The following MAF variants were observed in gnomAD, a reference collection of about 807,000 sequenced individuals.
MAF encodes transcription factor Maf.
In MAF, 10 loss-of-function variants were observed where a neutral mutation model predicts 22.0. The observed-to-expected ratio is 0.45, with a 90% CI of 0.28 to 0.77. The LOEUF (loss-of-function observed/expected upper bound fraction) is 0.77. MAF is among the 30% of genes least tolerant of loss of function. The pLI, the probability that MAF is intolerant of heterozygous loss-of-function variation, is 0.12. For missense variants in MAF, 544 were observed against 548.4 expected (o/e 0.99, Z 0.08); for synonymous variants, 337 against 255.8 (o/e 1.32, Z -3.03).
the MAF span, among the ~76,000 whole-genome samples, chr16:79,395,663 C>G: frequency 1.6e-4 from 24 of 152,294 alleles, 1 homozygote; most frequent in South Asian, 4.6e-3. Context: ...AACTGATCCT[C>G]TTTCCTGGAG....
chr16:79,376,994 G>A, the MAF span, among the ~76,000 whole-genome samples: 1 of 152,180 alleles, frequency 6.6e-6, no homozygotes, highest in South Asian at 2.1e-4. Flanking sequence ...ACGTGTGCAT[G>A]TGTCTTTATA....
At chr16:79,339,368 G>C in the MAF span, among the ~76,000 whole-genome samples, 1 of 152,156 alleles carries the variant, frequency 6.6e-6, no homozygotes, top group African/African-American at 2.4e-5. Flanking sequence ...CTGGGTCATG[G>C]GTTTTAAAAA....
chr16:79,490,078 G>A, the MAF span, among the ~76,000 whole-genome samples: 1 of 152,224 alleles, frequency 6.6e-6, no homozygotes, highest in South Asian at 2.1e-4. Context: ...CCTGTGTGTG[G>A]CAAGGTAGAG....
chr16:79,273,489 C>T, the MAF span, among the ~76,000 whole-genome samples: 2 of 152,178 alleles, frequency 1.3e-5, no homozygotes, highest in Non-Finnish European at 2.9e-5. Context: ...GTCAGATGCA[C>T]AAATAGGTCT....
intron 1 of MAF, chr16:79,597,185 A>C: frequency 9.5e-7 from 1 of 1,054,284 alleles, no homozygotes; most frequent in Non-Finnish European, 1.1e-6. Flanking sequence ...AATTTAGTGC[A>C]TCAATCGTTT....
At chr16:79,300,213 G>A in the MAF span, among the ~76,000 whole-genome samples, 1 of 152,172 alleles carries the variant, frequency 6.6e-6, no homozygotes, top group Non-Finnish European at 1.5e-5. Context: ...ATTAAAAATA[G>A]ACAACATTTA....
the MAF span, among the ~76,000 whole-genome samples, chr16:79,247,559 C>T: frequency 6.6e-6 from 1 of 152,164 alleles, no homozygotes; most frequent in Non-Finnish European, 1.5e-5. Flanking sequence ...TTTGCCAAAA[C>T]AGCCCAAAAC....
chr16:79,463,051 T>A, the MAF span, among the ~76,000 whole-genome samples: 1 of 152,150 alleles, frequency 6.6e-6, no homozygotes, highest in African/African-American at 2.4e-5. Context: ...GAATCTCCAC[T>A]GCAATAAGAA....
At chr16:79,320,742 T>C in the MAF span, among the ~76,000 whole-genome samples, 1 of 152,184 alleles carries the variant, frequency 6.6e-6, no homozygotes, top group Admixed American at 6.5e-5. Flanking sequence ...GATATAAAAC[T>C]ATAGTAGTGT....
the MAF span, among the ~76,000 whole-genome samples, chr16:79,301,943 G>A: frequency 4.7e-4 from 71 of 152,342 alleles, no homozygotes; most frequent in Middle Eastern, 3.4e-3. Flanking sequence ...TGAGCACAAC[G>A]TTGAGAGCTG....
the MAF span, among the ~76,000 whole-genome samples, chr16:79,397,439 G>A: frequency 2.6e-5 from 4 of 152,120 alleles, no homozygotes; most frequent in Non-Finnish European, 5.9e-5. Flanking sequence ...TATTTCTACT[G>A]CTCATATTTT....
the MAF span, among the ~76,000 whole-genome samples, chr16:79,234,513 A>G: frequency 6.6e-6 from 1 of 152,124 alleles, no homozygotes; most frequent in African/African-American, 2.4e-5. Context: ...AATAACTTTT[A>G]GTGCACATTT....
At chr16:79,220,460 T>C in the MAF span, among the ~76,000 whole-genome samples, 1 of 152,088 alleles carries the variant, frequency 6.6e-6, no homozygotes, top group African/African-American at 2.4e-5. Flanking sequence ...ATATTCCATA[T>C]ACACCTTGAT....
the MAF span, among the ~76,000 whole-genome samples, chr16:79,543,972 C>T: frequency 1.3e-5 from 2 of 151,196 alleles, no homozygotes; most frequent in African/African-American, 2.4e-5. Context: ...AGGCGTGAAC[C>T]ACCGCACCTG....
chr16:79,356,887 G>C, the MAF span, among the ~76,000 whole-genome samples: 1 of 152,158 alleles, frequency 6.6e-6, no homozygotes, highest in Non-Finnish European at 1.5e-5. Context: ...TTGTATGAAG[G>C]TGAATGTAGT....
At chr16:79,437,028 A>G in the MAF span, among the ~76,000 whole-genome samples, 17 of 152,192 alleles carry the variant, frequency 1.1e-4, no homozygotes, top group African/African-American at 4.1e-4. Flanking sequence ...TTTCAGAAGT[A>G]GTTTGAACGT....
chr16:79,511,645 A>G, the MAF span, among the ~76,000 whole-genome samples: 1 of 152,198 alleles, frequency 6.6e-6, no homozygotes, highest in African/African-American at 2.4e-5. Context: ...GATAATATGT[A>G]TGGTACATAT....
chr16:79,317,133 C>T, the MAF span, among the ~76,000 whole-genome samples: 1 of 150,812 alleles, frequency 6.6e-6, no homozygotes, highest in African/African-American at 2.4e-5. Flanking sequence ...GTCTCTCTCC[C>T]TCCCTCCTTC....
the MAF span, among the ~76,000 whole-genome samples, chr16:79,555,899 T>G: frequency 6.6e-6 from 1 of 151,840 alleles, no homozygotes; most frequent in Non-Finnish European, 1.5e-5. Context: ...ATGGTATTTC[T>G]ACGAAACAGA....
Sources: gnomAD v4.1 joint callset for allele counts (sites outside exome capture counted in the v4.1 genomes callset) on GRCh38, gnomAD v4.1.1 for gene constraint, MANE v1.5 for transcripts, NCBI Gene and HGNC (gene_info 2026-07-23, HGNC 2026-07-21) for gene names.